NBAS: variants seen among roughly 807,000 people sequenced by gnomAD.
The protein encoded by NBAS is NAG/BC035112 fusion.
In NBAS, 219 loss-of-function variants were observed where a neutral mutation model predicts 302.5. The ratio of observed to expected loss-of-function variants is 0.72; its 90% CI spans 0.65 to 0.81. NBAS has a LOEUF of 0.81. NBAS is among the 30% of genes least tolerant of loss of function. The pLI is 0.00. For synonymous variants in NBAS, 1,118 were observed against 1,021.6 expected (o/e 1.09, Z -1.80); for missense variants, 2,932 against 2,841.6 (o/e 1.03, Z -0.72).
chr2:15,520,510 ATAGGGGCCAGAAAACATTC>A (rs1222162885), intron 9 of NBAS, among the ~76,000 whole-genome samples: 1 of 152,168 alleles, frequency 6.6e-6, no homozygotes, highest in African/African-American at 2.4e-5. Context: ...ATGACATAAA[ATAGGGGCCAGAAAACATTC>A]TGTGTAAAAG....
chr2:15,536,497 C>A lies in NBAS; in HGVS notation c.568G>T (p.Glu190Ter). The A allele has an allele frequency of 6.2e-7, 1 of 1,612,452 alleles. No individual in the cohort carries two copies. Among genetic ancestry groups the A allele is most frequent in the Non-Finnish European group, 8.5e-7 (1 of 1,179,478 alleles). ...SYAIAGLIFLEYKASAQWSAE... is the reference protein window; with the variant it reads ...SYAIAGLIFL ...GACCACTGTGCACTTGCTTTATATT[C>A]TAAAAATATCAACCCAGCAATGGCA... is the stretch of plus-strand genomic sequence containing the variant. Residue 190 changes from glutamate to a stop codon, truncating the protein, a stop_gained, in exon 8 of 52, where the codon GAA (glutamate) becomes TAA (stop). Coordinates refer to ENST00000281513, the MANE Select transcript of NBAS (RefSeq NM_015909.4). LOFTEE classifies it high-confidence loss of function.
At chr2:14,841,684 A>G in the NBAS span, among the ~76,000 whole-genome samples, 2 of 151,956 alleles carry the variant, frequency 1.3e-5, no homozygotes, top group African/African-American at 2.4e-5. Context: ...GCTCCCAGGT[A>G]TATAAAGCAA....
At chr2:15,266,542 C>T (rs578038576) in intron 44 of NBAS, among the ~76,000 whole-genome samples, 2 of 152,058 alleles carry the variant, frequency 1.3e-5, no homozygotes, top group South Asian at 4.2e-4. Context: ...GTCTCATCCA[C>T]TCTCACCCAT....
At chr2:14,798,341 TTAATA>T in the NBAS span, among the ~76,000 whole-genome samples, 1 of 152,174 alleles carries the variant, frequency 6.6e-6, no homozygotes, top group South Asian at 2.1e-4. Flanking sequence ...AATTCAGATG[TTAATA>T]TAAGTTTATT....
the NBAS span, among the ~76,000 whole-genome samples, chr2:15,012,959 G>C: frequency 6.6e-6 from 1 of 152,046 alleles, no homozygotes; most frequent in Admixed American, 6.6e-5. Flanking sequence ...CCAGGTTCAA[G>C]CAATTCTCCC....
intron 40 of NBAS, among the ~76,000 whole-genome samples, chr2:15,297,601 C>A (rs776280353): frequency 4.5e-4 from 69 of 152,180 alleles, no homozygotes; most frequent in Non-Finnish European, 8.5e-4. Context: ...GCCATGATTG[C>A]CAAGTTTTCT....
chr2:14,960,652 A>C, the NBAS span, among the ~76,000 whole-genome samples: 1 of 152,234 alleles, frequency 6.6e-6, no homozygotes, highest in East Asian at 1.9e-4. Flanking sequence ...TGAATAAATA[A>C]AACATTTATG....
chr2:14,934,951 G>A, the NBAS span, among the ~76,000 whole-genome samples: 13 of 152,090 alleles, frequency 8.5e-5, no homozygotes, highest in Non-Finnish European at 1.9e-4. Context: ...TTCTCTCAGA[G>A]CCAGTAAGAT....
chr2:15,155,971 G>A, the NBAS span, among the ~76,000 whole-genome samples: 1 of 152,302 alleles, frequency 6.6e-6, no homozygotes, highest in Non-Finnish European at 1.5e-5. Flanking sequence ...TTCGAACAAG[G>A]AAGAACCCAG....
At chr2:14,785,095 T>A in the NBAS span, among the ~76,000 whole-genome samples, 10 of 152,266 alleles carry the variant, frequency 6.6e-5, no homozygotes, top group East Asian at 1.9e-3. Flanking sequence ...TGAATGGGAG[T>A]TCACTCTTGA....
the NBAS span, among the ~76,000 whole-genome samples, chr2:15,041,727 A>C: frequency 1.3e-5 from 2 of 152,084 alleles, no homozygotes; most frequent in Non-Finnish European, 2.9e-5. Flanking sequence ...CCGCCACTCT[A>C]CCCGGCAGCT....
chr2:14,782,238 A>T, the NBAS span, among the ~76,000 whole-genome samples: 1 of 152,196 alleles, frequency 6.6e-6, no homozygotes, highest in Non-Finnish European at 1.5e-5. Context: ...GCTAGGAAGC[A>T]TTCATTAATT....
chr2:15,496,544 C>G (rs1681081270), intron 11 of NBAS, among the ~76,000 whole-genome samples: 1 of 151,816 alleles, frequency 6.6e-6, no homozygotes, highest in Non-Finnish European at 1.5e-5. Flanking sequence ...ATGCAATTTC[C>G]TACATCTGTA....
chr2:14,950,580 G>C, the NBAS span, among the ~76,000 whole-genome samples: 1 of 152,126 alleles, frequency 6.6e-6, no homozygotes, highest in Non-Finnish European at 1.5e-5. Flanking sequence ...GACTGAAATT[G>C]TGCACTGTAT....
chr2:14,904,058 G>A, the NBAS span, among the ~76,000 whole-genome samples: 4 of 152,202 alleles, frequency 2.6e-5, no homozygotes, highest in Admixed American at 2.6e-4. Flanking sequence ...TTCTCATTTT[G>A]TGTTTTCACA....
rs1677005861 is a variant in NBAS, at chr2:15,417,560, T to C, written c.2730A>G (p.Lys910=). The C allele has an allele frequency of 3.1e-6, 5 of 1,613,806 alleles. No homozygotes were observed. The highest frequency in any genetic ancestry group is 3.4e-6 in the Non-Finnish European group (4 of 1,179,910). ...TLTLKELQQM[K]DIEKLRLLMN... ...TCAGTAATCTTAGTTTTTCAATGTC[T>C]TTCATCTGCTGGAGTTCTTTCAGGG... Residue 910 remains lysine, a synonymous_variant, in exon 24 of 52, where the codon AAA becomes AAG. Coordinates refer to ENST00000281513, the MANE Select transcript of NBAS (RefSeq NM_015909.4).
In NBAS at chr2:15,535,552, A is replaced by AAATAAATAAACT. The variant is rs1553334459; in HGVS notation, c.647+865_647+866insAGTTTATTTATT. ...TAAATAAATAAATAAATAAATAAAT[A>AAATAAATAAACT]AATAAATAAATAAAAATAAAAAAAT... On this transcript the variant is annotated intron_variant, in intron 8 of 51. Coordinates refer to ENST00000281513, the MANE Select transcript of NBAS (RefSeq NM_015909.4). Among the ~76,000 whole-genome samples, 65 of 26,588 alleles carry AAATAAATAAACT rather than the reference A, an allele frequency of 2.4e-3. 2 individuals are homozygous for AAATAAATAAACT. Among genetic ancestry groups the AAATAAATAAACT allele is most frequent in the African/African-American group, 6.0e-3 (55 of 9,230 alleles). The allele number at this position is 26,588 out of a possible 152,430, so 17.4% of individuals were successfully genotyped here.
chr2:14,875,661 A>G, the NBAS span, among the ~76,000 whole-genome samples: 8 of 152,330 alleles, frequency 5.3e-5, no homozygotes, highest in African/African-American at 1.9e-4. Context: ...ATTAGCCACA[A>G]TAAAATATTA....
intron 48 of NBAS, among the ~76,000 whole-genome samples, chr2:15,201,634 A>T (rs1665882923): frequency 6.6e-6 from 1 of 152,208 alleles, no homozygotes; most frequent in Admixed American, 6.5e-5. Context: ...TAAATATGAT[A>T]TGTTCTATTT....
Sources: gnomAD v4.1 joint callset for allele counts (sites outside exome capture counted in the v4.1 genomes callset) on GRCh38, gnomAD v4.1.1 for gene constraint, MANE v1.5 for transcripts, NCBI Gene and HGNC (gene_info 2026-07-23, HGNC 2026-07-21) for gene names.